Variants in CREBBP observed in about 807,000 individuals in gnomAD.
CREBBP encodes the protein CREB binding lysine acetyltransferase, also known as CREB-binding protein.
Under a neutral mutation model 265.0 loss-of-function variants are expected in CREBBP, and 19 were observed. The observed-to-expected ratio is 0.07, with a 90% CI of 0.05 to 0.11. The LOEUF is 0.11. CREBBP is among the 10% of genes least tolerant of loss of function. The pLI is 1.00. For missense variants in CREBBP, 2,525 were observed against 3,219.0 expected (o/e 0.78, Z 5.22); for synonymous variants, 1,457 against 1,223.7 (o/e 1.19, Z -3.98).
chr16:3,826,915 T>C (rs969675557), intron 2 of CREBBP, among the ~76,000 whole-genome samples: 6 of 152,130 alleles, frequency 3.9e-5, no homozygotes, highest in East Asian at 3.8e-4. Flanking sequence ...AGGCTAACAA[T>C]AGGAAGTGCG....
intron 1 of CREBBP, among the ~76,000 whole-genome samples, chr16:3,877,437 CCATT>C (rs373353282): frequency 8.2e-4 from 125 of 152,364 alleles, no homozygotes; most frequent in Admixed American, 4.6e-3. Context: ...GCGTCTCACT[CCATT>C]ACCCAGGCTG....
chr16:3,749,575 T>C (rs374290703), intron 21 of CREBBP, 52 bp downstream of exon 21: 17 of 1,289,054 alleles, frequency 1.3e-5, no homozygotes, highest in African/African-American at 1.2e-4. Context: ...GGAGTAACTT[T>C]ACCGATTTCA....
At position 3,736,210 on chromosome 16, in the gene CREBBP, G is replaced by A. The variant is rs1203694837; in HGVS notation, c.4561-7C>T. On this transcript the variant is annotated splice_region_variant and splice_polypyrimidine_tract_variant and intron_variant, in intron 27 of 30. Transcript: ENST00000262367. Reference sequence around the variant, plus strand: ...TTGCTTGTTTGAAAATATCCTGAGTGGGCAAAGCACAACAGTGAGATGAGG... The same window carrying A: ...TTGCTTGTTTGAAAATATCCTGAGTAGGCAAAGCACAACAGTGAGATGAGG... 4.3e-6 allele frequency: 7 copies of A among 1,613,954 alleles called. No homozygotes were observed. The highest frequency in any genetic ancestry group is 1.7e-5 in the Admixed American group (1 of 60,008).
At chr16:3,772,283 C>G (rs1286862234) in intron 13 of CREBBP, among the ~76,000 whole-genome samples, 6 of 148,236 alleles carry the variant, frequency 4.0e-5, no homozygotes, top group African/African-American at 1.3e-4. Context: ...CCATAAGTAC[C>G]CTTAACAATT....
In CREBBP at chr16:3,728,042, G is replaced by C. The variant is rs751640745; in HGVS notation, c.7005C>G (p.Ile2335Met). ...GCACCTGGTTACTAAGGGACGTGGCGATCTGCTGGCCAGGGAGATGCGAGG... is the reference window on the plus strand; with the variant it reads ...GCACCTGGTTACTAAGGGACGTGGCCATCTGCTGGCCAGGGAGATGCGAGG... ...PQASHLPGQQIATSLSNQVRS... is the reference protein window; with the variant it reads ...PQASHLPGQQMATSLSNQVRS... Residue 2335 changes from isoleucine to methionine, a missense_variant, in exon 31 of 31, where the codon ATC becomes ATG. Physicochemically the swap from Ile to Met is conservative, Grantham distance 10. Coordinates refer to ENST00000262367, the MANE Select transcript of CREBBP (RefSeq NM_004380.3). The surrounding 1 kb of genome is among the most constrained non-coding windows in gnomAD (Gnocchi z 8.7). 3 of 1,612,326 alleles carry C rather than the reference G, an allele frequency of 1.9e-6. No homozygotes were observed. In the South Asian group the frequency reaches 3.3e-5, roughly 18 times the overall value.
chr16:3,827,028 G>T (rs1267728509), intron 2 of CREBBP, among the ~76,000 whole-genome samples: 1 of 152,038 alleles, frequency 6.6e-6, no homozygotes, highest in Non-Finnish European at 1.5e-5. Flanking sequence ...CAGTTGCACC[G>T]CCTGTAGTTT....
rs531266685 is a variant in CREBBP, at chr16:3,785,364, T to A, written c.1331-2438A>T. ...GCTCCCAGACATGGTGTGGGCACAA[T>A]CTCTGCATTCCCTGAGCCTAGGGAC... On this transcript the variant is annotated intron_variant, in intron 5 of 30. Coordinates refer to ENST00000262367, the MANE Select transcript of CREBBP (RefSeq NM_004380.3). Among the ~76,000 whole-genome samples, 4 of 152,308 alleles carry A rather than the reference T, an allele frequency of 2.6e-5. No homozygotes were observed. The South Asian group carries it at 8.3e-4, about 32-fold the overall frequency.
chr16:3,868,901 G>T (rs186981571), intron 1 of CREBBP, among the ~76,000 whole-genome samples: 2 of 152,314 alleles, frequency 1.3e-5, no homozygotes, highest in East Asian at 1.9e-4. Context: ...ATAAAAGAAT[G>T]AAGTGGTAGG....
chr16:3,843,621 A>G (rs753072809), intron 2 of CREBBP, among the ~76,000 whole-genome samples: 1 of 151,508 alleles, frequency 6.6e-6, no homozygotes, highest in Non-Finnish European at 1.5e-5. Context: ...GGGTCTCCCT[A>G]TGTTCACAGG....
chr16:3,754,767 G>A (rs979899292), intron 19 of CREBBP, among the ~76,000 whole-genome samples: 4 of 152,110 alleles, frequency 2.6e-5, no homozygotes, highest in African/African-American at 9.7e-5. Context: ...GTAATCATAC[G>A]CTCACTTATA....
chr16:3,814,195 GTT>G (rs71133658), intron 2 of CREBBP, among the ~76,000 whole-genome samples: 27 of 146,770 alleles, frequency 1.8e-4, no homozygotes, highest in Non-Finnish European at 3.4e-4. Context: ...GTGTGTGTGT[GTT>G]TGAGACAGAG....
intron 2 of CREBBP, among the ~76,000 whole-genome samples, chr16:3,847,033 G>A (rs917363933): frequency 6.6e-6 from 1 of 152,130 alleles, no homozygotes; most frequent in Non-Finnish European, 1.5e-5. Flanking sequence ...CATGTGTACA[G>A]GCATTGCTGC....
intron 19 of CREBBP, among the ~76,000 whole-genome samples, chr16:3,755,342 T>C (rs556417475): frequency 6.6e-5 from 10 of 152,168 alleles, no homozygotes; most frequent in Non-Finnish European, 1.3e-4. Context: ...CACAACACTT[T>C]AGAGACAGTG....
At chr16:3,752,757 A>C (rs1224539965) in intron 19 of CREBBP, among the ~76,000 whole-genome samples, 1 of 152,202 alleles carries the variant, frequency 6.6e-6, no homozygotes, top group East Asian at 1.9e-4. Flanking sequence ...CTTGGGGGCA[A>C]TCCAAGTTAA....
intron 2 of CREBBP, among the ~76,000 whole-genome samples, chr16:3,819,442 T>A (rs1055392401): frequency 1.3e-5 from 2 of 152,224 alleles, no homozygotes; most frequent in African/African-American, 4.8e-5. Context: ...CTACACTACA[T>A]ATGATTTCTT....
In CREBBP at chr16:3,738,314, T is replaced by TA. The variant is rs369510235; in HGVS notation, c.4394+244dup. Among the ~76,000 whole-genome samples the TA allele has an allele frequency of 0.17, 22,815 of 131,106 alleles. 2,296 individuals are homozygous for TA. Among genetic ancestry groups the TA allele is most frequent in the African/African-American group, 0.3 (10,911 of 36,236 alleles). The allele number at this position is 131,106 out of a possible 152,430, so 86.0% of individuals were successfully genotyped here. ...TATGTAAACTTTGCCTCAATAAAGTTAAAAAAAAAAAAAAAGGGAATGAAA... is the reference window on the plus strand; with the variant it reads ...TATGTAAACTTTGCCTCAATAAAGTTAAAAAAAAAAAAAAAAGGGAATGAAA... On this transcript the variant is annotated intron_variant, in intron 26 of 30. Transcript: ENST00000262367.
Position 3,880,149 on chromosome 16 carries a change from G to A in CREBBP, c.-233C>T, listed in dbSNP as rs1277499896. The stretch of plus-strand genomic sequence containing the variant: ...TCACCGCCCGCCCCCGGCCGCCGCC[G>A]CCGCCGCCGGCCGCGGCCCCCTCAT... On this transcript the variant is annotated 5_prime_UTR_variant, in exon 1 of 31. Transcript: ENST00000262367. The A allele has an allele frequency of 1.4e-5, 2 of 147,146 alleles. No homozygotes were observed. Among genetic ancestry groups the A allele is most frequent in the Non-Finnish European group, 1.5e-5 (1 of 66,854 alleles). The allele number at this position is 147,146 out of a possible 1,614,324, so 9.1% of individuals were successfully genotyped here.
chr16:3,856,214 C>G (rs1197847555), intron 1 of CREBBP, among the ~76,000 whole-genome samples: 1 of 152,252 alleles, frequency 6.6e-6, no homozygotes, highest in Non-Finnish European at 1.5e-5. Flanking sequence ...TATCCTCAAA[C>G]TCCTGGACTC....
intron 1 of CREBBP, among the ~76,000 whole-genome samples, chr16:3,877,940 G>A (rs938127798): frequency 6.6e-6 from 1 of 152,234 alleles, no homozygotes; most frequent in African/African-American, 2.4e-5. Context: ...AGGTGGTTAA[G>A]TGTGGAAAAT....
Sources: allele counts gnomAD v4.1 joint callset (sites outside exome capture counted in the v4.1 genomes callset), GRCh38; gene constraint gnomAD v4.1.1; non-coding constraint Gnocchi (gnomAD v3.1); transcripts MANE v1.5; gene names NCBI Gene and HGNC (gene_info 2026-07-23, HGNC 2026-07-21).